Variants in TMEM63A observed in about 807,000 individuals in gnomAD.
TMEM63A encodes the protein transmembrane protein 63A, also known as mechanosensitive cation channel TMEM63A.
In TMEM63A, 76 loss-of-function variants were observed where a neutral mutation model predicts 100.6. The observed-to-expected ratio is 0.76, with a 90% CI of 0.63 to 0.91. The LOEUF (loss-of-function observed/expected upper bound fraction) is 0.91. Among genes scored for constraint, TMEM63A ranks in the 40% least tolerant of loss-of-function variants. The pLI is 0.00. For synonymous variants in TMEM63A, 401 were observed against 401.1 expected (o/e 1.00, Z 0.00); for missense variants, 876 against 1,008.8 (o/e 0.87, Z 1.78).
intron 15 of TMEM63A, among the ~76,000 whole-genome samples, chr1:225,858,139 T>G (rs543785749): frequency 3.7e-4 from 57 of 152,154 alleles, no homozygotes; most frequent in Non-Finnish European, 6.9e-4. Context: ...AGGGAATGAT[T>G]AACCAAATGC....
Position 225,873,290 on chromosome 1 carries a change from A to G in TMEM63A, c.266+998T>C, listed in dbSNP as rs141348732. Among the ~76,000 whole-genome samples the G allele has an allele frequency of 6.0e-3, 913 of 152,304 alleles. 3 individuals carry two copies. Among genetic ancestry groups the G allele is most frequent in the Non-Finnish European group, 9.4e-3 (642 of 68,030 alleles). ...GTGCCGTAAAGGCATCAGATGTCCC[A>G]AAAGTTTCTCTCCAACAGTCCAAGG... On this transcript the variant is annotated intron_variant, in intron 4 of 24. Coordinates refer to ENST00000366835, the MANE Select transcript of TMEM63A (RefSeq NM_014698.3).
At chr1:225,845,259 T>C (rs753692432), downstream of TMEM63A, 2 of 1,613,774 alleles carry the variant, frequency 1.2e-6, no homozygotes, top group African/African-American at 1.3e-5. Context: ...TCCTACATGG[T>C]TCGTGGGGGC....
At position 225,849,930 on chromosome 1, in the gene TMEM63A, A is replaced by G; in HGVS notation, c.2053T>C (p.Phe685Leu). The G allele has an allele frequency of 6.2e-7, 1 of 1,614,072 alleles. No homozygotes were observed. Reference sequence around the variant, plus strand: ...TGCTCACCCAGGCGCAGGAAGGAAAAGAAGTAGAGCCAGAAGAGGCACAGG... The same window carrying G: ...TGCTCACCCAGGCGCAGGAAGGAAAGGAAGTAGAGCCAGAAGAGGCACAGG... Reference protein sequence around the residue: ...PILCLFWLYFFSFLRLGMKAP... With the variant: ...PILCLFWLYFLSFLRLGMKAP... The change falls in exon 21 of 25, where the codon TTT (phenylalanine) becomes CTT (leucine). Residue 685 changes from phenylalanine to leucine, a missense_variant. Physicochemically the swap from Phe to Leu is conservative, Grantham distance 22. Around this residue, in one of 5 missense-constraint regions of TMEM63A, gnomAD observed 339 missense variants for 342.3 expected, o/e 0.99. Transcript: ENST00000366835.
At position 225,845,537 on chromosome 1, in the gene TMEM63A, T is replaced by TTGA. The variant is rs925135789; in HGVS notation, c.*1399_*1401dup. 3.6e-5 allele frequency: 23 copies of TTGA among 630,766 alleles called. No homozygotes were observed. The highest frequency in any genetic ancestry group is 1.4e-4 in the South Asian group (7 of 51,650). 39.1% of individuals were successfully genotyped at this position (630,766 alleles called of 1,614,324 possible). ...ACTCCGTGTGGTAAGCAACATGGCT[T>TTGA]TGATGATAAACGACTTTACTCTAAA... On this transcript the variant is annotated 3_prime_UTR_variant, in exon 25 of 25. Coordinates refer to ENST00000366835, the MANE Select transcript of TMEM63A (RefSeq NM_014698.3).
At chr1:225,864,063 G>GAC (rs1212813647) in intron 10 of TMEM63A, 1 of 152,166 alleles carries the variant, frequency 6.6e-6, no homozygotes, top group Non-Finnish European at 1.5e-5. Flanking sequence ...GGCCGACAGA[G>GAC]GTAAGTGGCT....
In TMEM63A at chr1:225,848,514, GC is replaced by G; in HGVS notation, c.2227del (p.Ala743ProfsTer15). The G allele has an allele frequency of 1.2e-6, 2 of 1,614,116 alleles. No individual in the cohort carries two copies. The highest frequency in any genetic ancestry group is 1.7e-6 in the Non-Finnish European group (2 of 1,180,034). On this transcript the variant is annotated frameshift_variant, in exon 23 of 25. Coordinates refer to ENST00000366835, the MANE Select transcript of TMEM63A (RefSeq NM_014698.3). LOFTEE classifies it high-confidence loss of function. ...PASDKGSEAE[A>X]HMPPPFTPYV... ...TACTGTGAACGGTGGGGGCATGTGGGCCTCTGCCTCACTTCCTTTGTCACTT... is the reference window on the plus strand; with the variant it reads ...TACTGTGAACGGTGGGGGCATGTGGGCTCTGCCTCACTTCCTTTGTCACTT...
intron 6 of TMEM63A, among the ~76,000 whole-genome samples, chr1:225,868,995 C>T (rs1670358607): frequency 6.6e-6 from 1 of 152,222 alleles, no homozygotes; most frequent in South Asian, 2.1e-4. Flanking sequence ...TTTCCCACTC[C>T]CTGAAGGCGC....
chr1:225,866,448 G>A (rs542113403), intron 9 of TMEM63A, 126 bp downstream of exon 9: 363 of 729,530 alleles, frequency 5.0e-4, no homozygotes, highest in Middle Eastern at 1.1e-3. Flanking sequence ...ATAAGCAAGC[G>A]GGGCTCCTGA....
chr1:225,845,230 C>T (rs1202367237), downstream of TMEM63A: 1 of 1,613,984 alleles, frequency 6.2e-7, no homozygotes, highest in Non-Finnish European at 8.5e-7. Flanking sequence ...GGTTCAAGTA[C>T]CCAAAGCTCA....
rs1670020973 is a variant in TMEM63A, at chr1:225,862,962, T to C, written c.747-111A>G. The C allele has an allele frequency of 9.9e-7, 1 of 1,014,818 alleles. No homozygotes were observed. Among genetic ancestry groups the C allele is most frequent in the Non-Finnish European group, 1.5e-6 (1 of 660,360 alleles). 62.9% of individuals were successfully genotyped at this position (1,014,818 alleles called of 1,614,324 possible). ...AAGGATGGCAGAGTGATCTCGCTGCTGGTTTCTGTGCCAGCGGAGACCTCT... is the reference window on the plus strand; with the variant it reads ...AAGGATGGCAGAGTGATCTCGCTGCCGGTTTCTGTGCCAGCGGAGACCTCT... On this transcript the variant is annotated intron_variant, in intron 10 of 24. Coordinates refer to ENST00000366835, the MANE Select transcript of TMEM63A (RefSeq NM_014698.3). The surrounding 1 kb of genome is among the most constrained non-coding windows in gnomAD (Gnocchi z 5.1).
Position 225,849,923 on chromosome 1 carries a change from A to T in TMEM63A, c.2060T>A (p.Phe687Tyr), listed in dbSNP as rs1444853583. The change falls in exon 21 of 25, where the codon TTC becomes TAC. Residue 687 changes from phenylalanine (F) to tyrosine (Y), a missense_variant. Transcript: ENST00000366835. ...GAAGGGCTGCTCACCCAGGCGCAGG[A>T]AGGAAAAGAAGTAGAGCCAGAAGAG... ...LCLFWLYFFSFLRLGMKAPAT... is the reference protein window; with the variant it reads ...LCLFWLYFFSYLRLGMKAPAT... The T allele has an allele frequency of 2.5e-6, 4 of 1,613,980 alleles. No homozygotes were observed. Among genetic ancestry groups the T allele is most frequent in the Non-Finnish European group, 3.4e-6 (4 of 1,179,982 alleles).
In TMEM63A at chr1:225,865,757, G is replaced by A. The variant is rs1388014435; in HGVS notation, c.746+140C>T. 1.2e-6 allele frequency: 1 copy of A among 804,920 alleles called. No homozygotes were observed. The highest frequency in any genetic ancestry group is 1.7e-5 in the African/African-American group (1 of 58,450). The allele number at this position is 804,920 out of a possible 1,614,324, so 49.9% of individuals were successfully genotyped here. On this transcript the variant is annotated intron_variant, in intron 10 of 24. Coordinates refer to ENST00000366835, the MANE Select transcript of TMEM63A (RefSeq NM_014698.3). This position sits in a 1 kb window ranked among gnomAD's most constrained non-coding sequence, Gnocchi z 4.6. ...GGAGCCACTCCATACACGTGTGGCA[G>A]GGCCAGGTCCTTCTCAGATCTCACC...
intron 15 of TMEM63A, 129 bp downstream of exon 15, chr1:225,859,067 A>G (rs1576084736): frequency 7.3e-7 from 1 of 1,361,518 alleles, no homozygotes; most frequent in Non-Finnish European, 1.0e-6. Context: ...CAAGGATGTG[A>G]GCTGAGCAAC....
In TMEM63A at chr1:225,850,048, C is replaced by T. The variant is rs1669241357; in HGVS notation, c.1935G>A (p.Val645=). 6.2e-7 allele frequency: 1 copy of T among 1,614,070 alleles called. No homozygotes were observed. Among genetic ancestry groups the T allele is most frequent in the African/African-American group, 1.3e-5 (1 of 74,934 alleles). ...AGACGAAGTAGAGGTTGTGCCGGTC[C>T]ACCATGTGCTTGAGCAGGATGTAGA... ...GLIYILLKHM[V]DRHNLYFVYL... Residue 645 remains valine, a synonymous_variant, in exon 21 of 25, where the codon GTG becomes GTA. Coordinates refer to ENST00000366835, the MANE Select transcript of TMEM63A (RefSeq NM_014698.3).
In TMEM63A at chr1:225,849,983, G is replaced by T. The variant is rs543998533; in HGVS notation, c.2000C>A (p.Ala667Asp). 2.5e-6 allele frequency: 4 copies of T among 1,614,254 alleles called. No individual in the cohort carries two copies. Among genetic ancestry groups the T allele is most frequent in the Non-Finnish European group, 3.4e-6 (4 of 1,180,048 alleles). Residue 667 changes from alanine to aspartate, a missense_variant, in exon 21 of 25, where the codon GCT (alanine) becomes GAT (aspartate). By Grantham distance (126) the Ala-to-Asp change is moderately radical. Around this residue, in one of 5 missense-constraint regions of TMEM63A, gnomAD observed 339 missense variants for 342.3 expected, o/e 0.99. Transcript: ENST00000366835. The stretch of plus-strand genomic sequence containing the variant: ...GGGGGCTGCCAAGGCCTGGTTCACA[G>T]CGGCAAAGTGGATCCCCTTCTCCAG... ...AKLEKGIHFA[A>D]VNQALAAPIL... is the part of the protein sequence containing the mutation.
At chr1:225,871,506 G>GTT in intron 5 of TMEM63A, 1 of 216,644 alleles carries the variant, frequency 4.6e-6, no homozygotes, top group Non-Finnish European at 9.2e-6. Context: ...GTGTCTGCAG[G>GTT]TTTTATTGTC....
Position 225,866,646 on chromosome 1 carries a change from G to T in TMEM63A, c.603C>A (p.Val201=). 2 of 1,614,150 alleles carry T rather than the reference G, an allele frequency of 1.2e-6. No homozygotes were observed. Among genetic ancestry groups the T allele is most frequent in the South Asian group, 2.2e-5 (2 of 91,066 alleles). Residue 201 remains valine (V), a synonymous_variant, in exon 9 of 25, where the codon GTC becomes GTA. Transcript: ENST00000366835. ...AACCCACAGTGAGGAAGAGGTAAAT[G>T]ACAGCAAAGATGGTGTGCAGCCAAA... ...DLLWLHTIFA[V]IYLFLTVGFM...
downstream of TMEM63A, chr1:225,845,396 G>A (rs1404715612): frequency 1.3e-6 from 2 of 1,518,902 alleles, no homozygotes; most frequent in Non-Finnish European, 1.8e-6. Context: ...GTGCCCTCCA[G>A]GCTTTTCTTG....
rs773921331 is a variant in TMEM63A, at chr1:225,856,800, G to C, written c.1485-62C>G. On this transcript the variant is annotated intron_variant, in intron 16 of 24. Coordinates refer to ENST00000366835, the MANE Select transcript of TMEM63A (RefSeq NM_014698.3). ...AAATGCTCTATGTGCCCCCAGTGAG[G>C]CCCCTGCCATGTGCCCACTGCCTGA... 3.2e-6 allele frequency: 5 copies of C among 1,587,234 alleles called. No homozygotes were observed. The African/African-American group carries it at 4.1e-5, about 13-fold the overall frequency.
Sources: allele counts gnomAD v4.1 joint callset (sites outside exome capture counted in the v4.1 genomes callset), GRCh38; gene constraint gnomAD v4.1.1; regional missense constraint gnomAD v4.1.1; non-coding constraint Gnocchi (gnomAD v3.1); transcripts MANE v1.5; gene names NCBI Gene and HGNC (gene_info 2026-07-23, HGNC 2026-07-21).